DNAH6: variants seen among roughly 807,000 people sequenced by gnomAD.
DNAH6 encodes dynein axonemal heavy chain 6, also known as axonemal beta dynein heavy chain 6.
DNAH6 carries 340 observed loss-of-function variants against 491.4 expected under a neutral mutation model. The ratio of observed to expected loss-of-function variants is 0.69; its 90% CI spans 0.63 to 0.76. DNAH6 has a LOEUF of 0.76. Among genes scored for constraint, DNAH6 ranks in the 30% least tolerant of loss-of-function variants. The pLI, the probability that DNAH6 is intolerant of heterozygous loss-of-function variation, is 0.00. For missense variants in DNAH6, 4,443 were observed against 4,972.2 expected, an observed-to-expected ratio of 0.89 and a Z score of 3.20; for synonymous variants, 1,603 against 1,686.1, an observed-to-expected ratio of 0.95 and a Z score of 1.21.
chr2:84,708,361 C>G (rs868165477), intron 54 of DNAH6, among the ~76,000 whole-genome samples: 18 of 151,432 alleles, frequency 1.2e-4, no homozygotes, highest in African/African-American at 4.4e-4. Flanking sequence ...TGGAAAATTG[C>G]CTGAACCCAG....
intron 72 of DNAH6, 106 bp from the exon 73 acceptor site, chr2:84,812,235 C>T (rs976501239): frequency 7.4e-6 from 7 of 945,850 alleles, no homozygotes; most frequent in Non-Finnish European, 9.5e-6. Context: ...TAGAACCTAG[C>T]AACTGGCGCC....
At chr2:84,726,238 C>A (rs551098647) in intron 60 of DNAH6, among the ~76,000 whole-genome samples, 8 of 152,252 alleles carry the variant, frequency 5.3e-5, no homozygotes, top group African/African-American at 1.4e-4. Context: ...GATTGGTCTG[C>A]CCTCACCATG....
chr2:84,516,674 G>A (rs924806327), intron 1 of DNAH6, 91 bp downstream of exon 1: 5 of 152,180 alleles, frequency 3.3e-5, no homozygotes, highest in Non-Finnish European at 5.9e-5. Flanking sequence ...GGCTCAAAGA[G>A]GCAGAGAAAA....
chr2:84,759,612 G>A (rs1242062351), intron 63 of DNAH6, among the ~76,000 whole-genome samples: 1 of 151,996 alleles, frequency 6.6e-6, no homozygotes, highest in Non-Finnish European at 1.5e-5. Context: ...GAAAGAAATT[G>A]TGAATGACAG....
chr2:84,786,873 A>G (rs1677253121), intron 67 of DNAH6, among the ~76,000 whole-genome samples: 1 of 152,118 alleles, frequency 6.6e-6, no homozygotes, highest in South Asian at 2.1e-4. Context: ...TTCTGCTTTG[A>G]TGAGAAAATG....
chr2:84,696,542 A>T (rs1463796721), intron 46 of DNAH6, among the ~76,000 whole-genome samples: 1 of 152,038 alleles, frequency 6.6e-6, no homozygotes, highest in Non-Finnish European at 1.5e-5. Context: ...GTCACAAGAC[A>T]CATAAGAAAA....
chr2:84,778,791 A>G (rs1383497235), intron 64 of DNAH6, among the ~76,000 whole-genome samples: 1 of 152,186 alleles, frequency 6.6e-6, no homozygotes, highest in East Asian at 1.9e-4. Flanking sequence ...ACCCAGACAC[A>G]CTGTAAACTT....
Position 84,557,761 on chromosome 2 carries a change from C to T in DNAH6, c.1629C>T (p.His543=). ...ATGGTATTTTGGGTGCAGTTAATCA[C>T]TGTCAAAACACTGTGTTATCAGTTC... is the stretch of plus-strand genomic sequence containing the variant. ...FLDGILGAVN[H]CQNTVLSVPN... The change falls in exon 11 of 77, where the codon CAC becomes CAT. Residue 543 remains histidine, a synonymous_variant. Coordinates refer to ENST00000389394, the MANE Select transcript of DNAH6 (RefSeq NM_001370.2). 1 of 1,578,548 alleles carries T rather than the reference C, an allele frequency of 6.3e-7. No homozygotes were observed. The highest frequency in any genetic ancestry group is 8.6e-7 in the Non-Finnish European group (1 of 1,158,360).
At chr2:84,728,328 C>T (rs901781476) in intron 61 of DNAH6, among the ~76,000 whole-genome samples, 2 of 152,178 alleles carry the variant, frequency 1.3e-5, no homozygotes, top group Non-Finnish European at 2.9e-5. Context: ...AGATAGAGCC[C>T]ACAAGCACCT....
chr2:84,639,429 T>TA, intron 31 of DNAH6, among the ~76,000 whole-genome samples: 1 of 150,988 alleles, frequency 6.6e-6, no homozygotes, highest in Admixed American at 6.6e-5. Context: ...TTTTTTTTTT[T>TA]TTTTTTTGAG....
intron 39 of DNAH6, 53 bp downstream of exon 39, chr2:84,670,528 A>C: frequency 1.7e-6 from 2 of 1,203,838 alleles, no homozygotes; most frequent in Non-Finnish European, 2.3e-6. Context: ...TAAGCTAATA[A>C]ATGACATAAA....
Position 84,733,495 on chromosome 2 carries a change from G to C in DNAH6, c.10258G>C (p.Ala3420Pro). 2 of 1,551,224 alleles carry C rather than the reference G, an allele frequency of 1.3e-6. No homozygotes were observed. Among genetic ancestry groups the C allele is most frequent in the Non-Finnish European group, 1.7e-6 (2 of 1,146,620 alleles). The part of the protein sequence containing the change: ...APWLPTATWF[A>P]CCDLEESFPV... ...CTGGCTACCTACTGCTACATGGTTC[G>C]CATGCTGTGACTTGGAAGAATCATT... Residue 3420 changes from alanine to proline, a missense_variant, in exon 62 of 77, where the codon GCA becomes CCA. Transcript: ENST00000389394.
Position 84,549,934 on chromosome 2 carries a change from C to T in DNAH6, c.1362C>T (p.Ile454=). Residue 454 remains isoleucine (I), a synonymous_variant, in exon 9 of 77, where the codon ATC becomes ATT. Coordinates refer to ENST00000389394, the MANE Select transcript of DNAH6 (RefSeq NM_001370.2). ...NDYLIENTMH[I]LTVNAVNSLL... ...ATCTAATTGAGAACACAATGCACATCTTAACGGTAAATGCTGTTAATTCGC... is the reference window on the plus strand; with the variant it reads ...ATCTAATTGAGAACACAATGCACATTTTAACGGTAAATGCTGTTAATTCGC... 3 of 1,613,826 alleles carry T rather than the reference C, an allele frequency of 1.9e-6. No homozygotes were observed. Among genetic ancestry groups the T allele is most frequent in the Non-Finnish European group, 2.5e-6 (3 of 1,179,866 alleles).
intron 30 of DNAH6, among the ~76,000 whole-genome samples, chr2:84,635,905 T>C (rs1247511859): frequency 6.6e-6 from 1 of 152,156 alleles, no homozygotes; most frequent in African/African-American, 2.4e-5. Context: ...GTATTCCTCA[T>C]GTCTGTTGAT....
chr2:84,579,655 ATT>A lies in DNAH6; in HGVS notation c.2207_2208del (p.Phe736SerfsTer2). 1 of 1,589,632 alleles carries A rather than the reference ATT, an allele frequency of 6.3e-7. No individual in the cohort carries two copies. Among genetic ancestry groups the A allele is most frequent in the East Asian group, 2.3e-5 (1 of 44,292 alleles). On this transcript the variant is annotated frameshift_variant, in exon 14 of 77. Transcript: ENST00000389394. LOFTEE classifies it high-confidence loss of function. ...CCACAGAATATGTTCATAGCTTATTATTTCTTGATGAAATTCAGGAACGGGTG... is the reference window on the plus strand; with the variant it reads ...CCACAGAATATGTTCATAGCTTATTATCTTGATGAAATTCAGGAACGGGTG... ...TTTEYVHSLL[F>X]LDEIQERIES...
At chr2:84,685,881 C>T (rs1056973704) in intron 43 of DNAH6, among the ~76,000 whole-genome samples, 2 of 152,042 alleles carry the variant, frequency 1.3e-5, no homozygotes, top group South Asian at 4.2e-4. Context: ...GGAGAAAGAG[C>T]ATTTTGTCTG....
At chr2:84,779,517 A>G (rs1676469855) in intron 64 of DNAH6, among the ~76,000 whole-genome samples, 1 of 151,968 alleles carries the variant, frequency 6.6e-6, no homozygotes, top group Non-Finnish European at 1.5e-5. Context: ...CTTTACTTTG[A>G]GCCTATTGGT....
chr2:84,644,486 A>T (rs1254547081), intron 33 of DNAH6, among the ~76,000 whole-genome samples: 1 of 151,018 alleles, frequency 6.6e-6, no homozygotes, highest in Admixed American at 6.6e-5. Context: ...CAGTTTTGTT[A>T]TGTAGGTAAA....
intron 35 of DNAH6, 80 bp from the exon 36 acceptor site, chr2:84,658,212 C>A (rs564737994): frequency 4.2e-6 from 4 of 949,884 alleles, no homozygotes; most frequent in Non-Finnish European, 5.9e-6. Context: ...ATAGAAATAT[C>A]CAGATTTTAA....
Sources: allele counts gnomAD v4.1 joint callset (sites outside exome capture counted in the v4.1 genomes callset), GRCh38; gene constraint gnomAD v4.1.1; transcripts MANE v1.5; gene names NCBI Gene and HGNC (gene_info 2026-07-23, HGNC 2026-07-21).